The following HPRT1 variants were observed in gnomAD, a reference collection of about 807,000 sequenced individuals.
HPRT1 encodes hypoxanthine-guanine phosphoribosyltransferase.
Under a neutral mutation model 19.0 loss-of-function variants are expected in HPRT1, and 4 were observed. The observed-to-expected ratio is 0.21, with a 90% confidence interval of 0.10 to 0.48. The LOEUF (loss-of-function observed/expected upper bound fraction) is 0.48. Ranked by LOEUF, HPRT1 falls within the 20% of genes least tolerant of loss-of-function variation. HPRT1 has a pLI of 0.98. For missense variants in HPRT1, 65 were observed against 164.0 expected (o/e 0.40, Z 3.30); for synonymous variants, 53 against 54.9 (o/e 0.97, Z 0.15).
At chrX:134,482,745 A>G in intron 3 of HPRT1, among the ~76,000 whole-genome samples, 1 of 111,558 alleles carries the variant, frequency 9.0e-6, no homozygotes, top group Non-Finnish European at 1.9e-5. Flanking sequence ...AAACAAATTA[A>G]CTTGTTACCT....
intron 1 of HPRT1, among the ~76,000 whole-genome samples, chrX:134,466,582 A>G (rs1259831931): frequency 1.8e-5 from 2 of 111,761 alleles, no homozygotes; most frequent in Non-Finnish European, 3.8e-5. Flanking sequence ...GTGAGAAATA[A>G]GTTTCTGTTA....
chrX:134,487,419 T>A (rs1054924827), intron 4 of HPRT1, among the ~76,000 whole-genome samples: 1 of 111,038 alleles, frequency 9.0e-6, no homozygotes, highest in African/African-American at 3.3e-5. Flanking sequence ...AGCTGCCAGT[T>A]ATTGTTTACT....
At position 134,486,839 on chromosome X, in the gene HPRT1, C is replaced by T. The variant is rs1320386176; in HGVS notation, c.384+309C>T. On this transcript the variant is annotated intron_variant, in intron 4 of 8. Coordinates refer to ENST00000298556, the MANE Select transcript of HPRT1 (RefSeq NM_000194.3). ...CCTTTAAAAAAAAAAAAAAAACAAACCTATGTGAGTCTATGTGAGGTAGAC... is the reference window on the plus strand; with the variant it reads ...CCTTTAAAAAAAAAAAAAAAACAAATCTATGTGAGTCTATGTGAGGTAGAC... Among the ~76,000 whole-genome samples the T allele has an allele frequency of 2.9e-5, 3 of 103,811 alleles. No individual in the cohort carries two copies. In the Admixed American group the frequency reaches 3.1e-4, roughly 11 times the overall value. 90.1% of individuals were successfully genotyped at this position (103,811 alleles called of 115,157 possible).
rs756264380 is a variant in HPRT1 at position 134,493,549 on chromosome X, C to T, written c.444C>T (p.Ser148=). The T allele has an allele frequency of 1.7e-6, 2 of 1,207,413 alleles. No homozygotes were observed. The highest frequency in any genetic ancestry group is 2.2e-5 in the Admixed American group (1 of 45,985). The part of the protein sequence containing the change: ...DTGKTMQTLL[S]LVRQYNPKMV... The stretch of plus-strand genomic sequence containing the variant: ...GCAAAACAATGCAGACTTTGCTTTC[C>T]TTGGTCAGGCAGTATAATCCAAAGA... The change falls in exon 6 of 9, where the codon TCC becomes TCT. Residue 148 remains serine (S), a synonymous_variant. Transcript: ENST00000298556.
At chrX:134,467,996 G>C (rs1156785139) in intron 1 of HPRT1, among the ~76,000 whole-genome samples, 1 of 107,605 alleles carries the variant, frequency 9.3e-6, no homozygotes, top group East Asian at 2.9e-4. Flanking sequence ...ATTTTTAGTA[G>C]AGACGGGGTT....
At chrX:134,482,965 T>C (rs2077643909) in intron 3 of HPRT1, among the ~76,000 whole-genome samples, 1 of 110,247 alleles carries the variant, frequency 9.1e-6, no homozygotes, top group South Asian at 3.9e-4. Context: ...AAAATGTGAT[T>C]GAGTGTGGTA....
At chrX:134,496,400 T>C (rs1439444270) in intron 6 of HPRT1, among the ~76,000 whole-genome samples, 1 of 112,222 alleles carries the variant, frequency 8.9e-6, no homozygotes, top group African/African-American at 3.2e-5. Flanking sequence ...ATTTACAGTA[T>C]GGAAAATGCT....
At chrX:134,484,034 G>A (rs1173601065) in intron 3 of HPRT1, among the ~76,000 whole-genome samples, 2 of 111,666 alleles carry the variant, frequency 1.8e-5, no homozygotes, top group East Asian at 5.6e-4. Flanking sequence ...GGGCAAACAG[G>A]AGTATGGAGG....
rs755918860 is a variant in HPRT1, at chrX:134,490,977, CCTCT to C, written c.402+795_402+798del. Among the ~76,000 whole-genome samples, 363 of 91,811 alleles carry C rather than the reference CCTCT, an allele frequency of 4.0e-3. 1 individual carries two copies. Among genetic ancestry groups the C allele is most frequent in the East Asian group, 0.02 (57 of 2,799 alleles). 79.7% of individuals were successfully genotyped at this position (91,811 alleles called of 115,157 possible). On this transcript the variant is annotated intron_variant, in intron 5 of 8. Coordinates refer to ENST00000298556, the MANE Select transcript of HPRT1 (RefSeq NM_000194.3). ...TTTCCTGATCACTTATCACTAACAG[CCTCT>C]CTCTCTCTCTCTCTCTCTCTCTATG... is the stretch of plus-strand genomic sequence containing the variant.
chrX:134,485,887 T>C (rs2077651518), intron 3 of HPRT1, among the ~76,000 whole-genome samples: 1 of 112,416 alleles, frequency 8.9e-6, no homozygotes, highest in Non-Finnish European at 1.9e-5. Flanking sequence ...TTTATTGGAT[T>C]CTGTGATAGC....
At chrX:134,469,322 CAA>C (rs1569354180) in intron 1 of HPRT1, among the ~76,000 whole-genome samples, 2 of 110,554 alleles carry the variant, frequency 1.8e-5, no homozygotes, top group African/African-American at 6.6e-5. Flanking sequence ...GTTGTATTGA[CAA>C]ATTTTTTATG....
At chrX:134,480,809 G>A (rs1460329802) in intron 3 of HPRT1, among the ~76,000 whole-genome samples, 1 of 97,076 alleles carries the variant, frequency 1.0e-5, no homozygotes, top group Non-Finnish European at 2.0e-5. Flanking sequence ...GTGTATTTGT[G>A]TGTGTGTGTG....
chrX:134,492,064 G>GT lies in HPRT1; in HGVS notation c.403-1430dup, dbSNP rs1319754853. 9.9e-3 allele frequency among the ~76,000 whole-genome samples: 827 copies of GT among 83,383 alleles called. 14 individuals are homozygous for GT. The highest frequency in any genetic ancestry group is 0.034 in the African/African-American group (742 of 21,773). 72.4% of individuals were successfully genotyped at this position (83,383 alleles called of 115,157 possible). On this transcript the variant is annotated intron_variant, in intron 5 of 8. Transcript: ENST00000298556. Reference sequence around the variant, plus strand: ...ACACACACACATATATATATATATAGTTTTTTTTTTTTTTAAGTAGAGATG... The same window carrying GT: ...ACACACACACATATATATATATATAGTTTTTTTTTTTTTTTAAGTAGAGATG...
rs1285395195 is a variant in HPRT1 at position 134,475,277 on chromosome X, C to T, written c.231C>T (p.Asp77=). 1.3e-5 allele frequency: 16 copies of T among 1,192,943 alleles called. No homozygotes were observed. Among genetic ancestry groups the T allele is most frequent in the Non-Finnish European group, 1.7e-5 (15 of 878,429 alleles). ...AGGGGGGCTATAAATTCTTTGCTGA[C>T]CTGCTGGATTACATCAAAGCACTGA... ...VLKGGYKFFA[D]LLDYIKALNR... is the part of the protein sequence containing the mutation. Residue 77 remains aspartate (D), a synonymous_variant, in exon 3 of 9, where the codon GAC becomes GAT. Transcript: ENST00000298556.
intron 3 of HPRT1, among the ~76,000 whole-genome samples, chrX:134,476,844 C>T (rs1206508079): frequency 2.7e-5 from 3 of 110,025 alleles, no homozygotes; most frequent in Non-Finnish European, 5.7e-5. Flanking sequence ...AGTTTTTTTC[C>T]TATTTGTTTA....
chrX:134,463,021 T>A lies in HPRT1; in HGVS notation c.27+2683T>A, dbSNP rs147226592. ...CAATAGTAGGTATTTATTGAATACTTAACTATGTTTTAGGCGTTGAAGTAA... is the reference window on the plus strand; with the variant it reads ...CAATAGTAGGTATTTATTGAATACTAAACTATGTTTTAGGCGTTGAAGTAA... On this transcript the variant is annotated intron_variant, in intron 1 of 8. Coordinates refer to ENST00000298556, the MANE Select transcript of HPRT1 (RefSeq NM_000194.3). Among the ~76,000 whole-genome samples, 40 of 112,365 alleles carry A rather than the reference T, an allele frequency of 3.6e-4. No homozygotes were observed. In the East Asian group the frequency reaches 0.011, roughly 30 times the overall value.
intron 1 of HPRT1, among the ~76,000 whole-genome samples, chrX:134,469,334 G>A (rs776450516): frequency 9.0e-6 from 1 of 110,957 alleles, no homozygotes; most frequent in South Asian, 3.8e-4. Context: ...AATTTTTTAT[G>A]CTTAAAGTAA....
rs765692839 is a variant in HPRT1, at chrX:134,461,057, C to G, written c.27+719C>G. Among the ~76,000 whole-genome samples the G allele has an allele frequency of 7.2e-5, 8 of 111,428 alleles. No individual in the cohort carries two copies. The South Asian group carries it at 3.0e-3, about 42-fold the overall frequency. ...CCTTACCTTCAAGAACATTCTTAACCGTAATCAGCCTCTGGTATCTTAGCT... is the reference window on the plus strand; with the variant it reads ...CCTTACCTTCAAGAACATTCTTAACGGTAATCAGCCTCTGGTATCTTAGCT... On this transcript the variant is annotated intron_variant, in intron 1 of 8. Coordinates refer to ENST00000298556, the MANE Select transcript of HPRT1 (RefSeq NM_000194.3).
At chrX:134,491,051 TTATA>T (rs1240803675) in intron 5 of HPRT1, among the ~76,000 whole-genome samples, 3 of 104,064 alleles carry the variant, frequency 2.9e-5, no homozygotes, top group Non-Finnish European at 3.9e-5. Flanking sequence ...CAGCCTCTCT[TTATA>T]TATATATAAT....
Sources: allele counts gnomAD v4.1 joint callset (sites outside exome capture counted in the v4.1 genomes callset), GRCh38; gene constraint gnomAD v4.1.1; transcripts MANE v1.5; gene names NCBI Gene and HGNC (gene_info 2026-07-23, HGNC 2026-07-21).